Variants in GALNT13 observed in about 807,000 individuals in gnomAD.
GALNT13 encodes UDP-GalNAc:polypeptide N-acetylgalactosaminyltransferase 13.
Under a neutral mutation model 64.2 loss-of-function variants are expected in GALNT13, and 28 were observed. That is an observed-to-expected ratio of 0.44 (90% CI 0.32 to 0.60). The LOEUF is 0.60. GALNT13 is among the 20% of genes least tolerant of loss of function. GALNT13 has a pLI of 0.05. For synonymous variants in GALNT13, 214 were observed against 224.6 expected, an observed-to-expected ratio of 0.95 and a Z score of 0.42; for missense variants, 577 against 669.8, an observed-to-expected ratio of 0.86 and a Z score of 1.53.
intron 7 of GALNT13, among the ~76,000 whole-genome samples, chr2:154,257,399 T>G (rs1690437725): frequency 6.6e-6 from 1 of 152,076 alleles, no homozygotes; most frequent in Admixed American, 6.5e-5. Flanking sequence ...ATAGGATAAT[T>G]GCAGCAATTT....
chr2:153,086,982 C>T, the GALNT13 span, among the ~76,000 whole-genome samples: 1 of 152,094 alleles, frequency 6.6e-6, no homozygotes, highest in Non-Finnish European at 1.5e-5. Context: ...ATTTCTTTCT[C>T]TTGTCTGATT....
At chr2:153,590,856 A>G in the GALNT13 span, among the ~76,000 whole-genome samples, 3 of 152,148 alleles carry the variant, frequency 2.0e-5, no homozygotes, top group African/African-American at 7.2e-5. Context: ...CCCACAGCCA[A>G]TATAACACTG....
the GALNT13 span, among the ~76,000 whole-genome samples, chr2:153,409,502 G>T: frequency 6.6e-6 from 1 of 151,288 alleles, no homozygotes; most frequent in Non-Finnish European, 1.5e-5. Flanking sequence ...GACTAATAAA[G>T]CAACCACAAC....
the GALNT13 span, among the ~76,000 whole-genome samples, chr2:153,309,824 C>A: frequency 5.3e-5 from 8 of 152,066 alleles, no homozygotes; most frequent in African/African-American, 1.9e-4. Flanking sequence ...AATACCTAGG[C>A]AGTAAAACAG....
the GALNT13 span, among the ~76,000 whole-genome samples, chr2:153,251,749 C>A: frequency 6.6e-6 from 1 of 151,538 alleles, no homozygotes; most frequent in Non-Finnish European, 1.5e-5. Context: ...CGATAGTTTA[C>A]TGAGAGTGAT....
chr2:154,325,113 C>A (rs892281996), intron 9 of GALNT13, among the ~76,000 whole-genome samples: 1 of 151,784 alleles, frequency 6.6e-6, no homozygotes, highest in Non-Finnish European at 1.5e-5. Flanking sequence ...TCCTAGTTCC[C>A]TGTGTGAGTG....
chr2:153,927,343 TA>T (rs772401441), intron 2 of GALNT13, among the ~76,000 whole-genome samples: 10 of 152,060 alleles, frequency 6.6e-5, no homozygotes, highest in South Asian at 4.1e-4. Flanking sequence ...TGCAGAATGA[TA>T]GGGGAAATGT....
At position 154,118,282 on chromosome 2, in the gene GALNT13, C is replaced by CTTTT. The variant is rs557217006; in HGVS notation, c.143-22044_143-22041dup. Among the ~76,000 whole-genome samples, 124 of 130,616 alleles carry CTTTT rather than the reference C, an allele frequency of 9.5e-4. 1 individual carries two copies. The highest frequency in any genetic ancestry group is 2.8e-3 in the African/African-American group (100 of 35,660). The allele number at this position is 130,616 out of a possible 152,430, so 85.7% of individuals were successfully genotyped here. On this transcript the variant is annotated intron_variant, in intron 3 of 12. Coordinates refer to ENST00000392825, the MANE Select transcript of GALNT13 (RefSeq NM_052917.4). ...ATCATTATATTATGTCCCTCTTTGT[C>CTTTT]TTTTTTTTTTTTTTACAATTTTTTA...
chr2:153,438,310 T>G, the GALNT13 span, among the ~76,000 whole-genome samples: 1 of 152,142 alleles, frequency 6.6e-6, no homozygotes, highest in Admixed American at 6.5e-5. Context: ...TGTCTTGGAG[T>G]TGCTCTTCTC....
At chr2:153,094,951 G>T in the GALNT13 span, among the ~76,000 whole-genome samples, 1 of 152,084 alleles carries the variant, frequency 6.6e-6, no homozygotes, top group African/African-American at 2.4e-5. Flanking sequence ...GAGAACCTAG[G>T]CAATACCATT....
At chr2:154,225,139 G>A (rs908135592) in intron 4 of GALNT13, among the ~76,000 whole-genome samples, 1 of 136,586 alleles carries the variant, frequency 7.3e-6, no homozygotes. Flanking sequence ...TAGATAGATA[G>A]ATAGATGACA....
intron 3 of GALNT13, among the ~76,000 whole-genome samples, chr2:154,022,119 G>C (rs1349601993): frequency 6.6e-6 from 1 of 152,076 alleles, no homozygotes; most frequent in African/African-American, 2.4e-5. Flanking sequence ...ATTTTATTGA[G>C]GATTTTTGCA....
chr2:154,075,585 A>C lies in GALNT13; in HGVS notation c.143-64752A>C, dbSNP rs371881589. 1.6e-4 allele frequency among the ~76,000 whole-genome samples: 25 copies of C among 151,912 alleles called. No individual in the cohort carries two copies. The East Asian group carries it at 4.6e-3, about 28-fold the overall frequency. On this transcript the variant is annotated intron_variant, in intron 3 of 12. Transcript: ENST00000392825. ...TTTCAACATTTTGTTATCGTAAATG[A>C]TGTAGCAATGTACACTCTTCAATTA...
intron 4 of GALNT13, among the ~76,000 whole-genome samples, chr2:154,194,694 G>A (rs983983753): frequency 3.9e-5 from 6 of 151,974 alleles, no homozygotes; most frequent in Admixed American, 3.3e-4. Flanking sequence ...CTCTGTTTTA[G>A]GGGCTTCATA....
intron 2 of GALNT13, among the ~76,000 whole-genome samples, chr2:153,918,304 G>A (rs906838070): frequency 6.6e-6 from 1 of 152,142 alleles, no homozygotes; most frequent in African/African-American, 2.4e-5. Context: ...CTCTCTGGGT[G>A]AACTTCGGTA....
the GALNT13 span, among the ~76,000 whole-genome samples, chr2:153,810,436 T>A: frequency 6.6e-6 from 1 of 152,220 alleles, no homozygotes; most frequent in African/African-American, 2.4e-5. Flanking sequence ...CTAATTAAAG[T>A]TATTATAATT....
At chr2:153,252,135 G>A in the GALNT13 span, among the ~76,000 whole-genome samples, 17 of 146,522 alleles carry the variant, frequency 1.2e-4, no homozygotes, top group Admixed American at 3.4e-4. Flanking sequence ...AGCACCTGTT[G>A]TTTCCTGACT....
At chr2:153,370,216 T>G in the GALNT13 span, among the ~76,000 whole-genome samples, 1 of 152,160 alleles carries the variant, frequency 6.6e-6, no homozygotes, top group African/African-American at 2.4e-5. Flanking sequence ...AAAAAAAGGC[T>G]TAGATGGCTT....
the GALNT13 span, among the ~76,000 whole-genome samples, chr2:153,746,342 G>A: frequency 6.6e-6 from 1 of 152,030 alleles, no homozygotes; most frequent in Non-Finnish European, 1.5e-5. Context: ...TAATGGATTG[G>A]TTTTGTTGTG....
Sources: allele counts gnomAD v4.1 joint callset (sites outside exome capture counted in the v4.1 genomes callset), GRCh38; gene constraint gnomAD v4.1.1; transcripts MANE v1.5; gene names NCBI Gene and HGNC (gene_info 2026-07-23, HGNC 2026-07-21).